The following PDS5A variants were observed in gnomAD, a reference collection of about 807,000 sequenced individuals.
The protein encoded by PDS5A is sister chromatid cohesion protein PDS5 homolog A.
In PDS5A, 42 loss-of-function variants were observed where a neutral mutation model predicts 167.1. The ratio of observed to expected loss-of-function variants is 0.25; its 90% CI spans 0.20 to 0.33. PDS5A has a LOEUF of 0.33. Among genes scored for constraint, PDS5A ranks in the 10% least tolerant of loss-of-function variants. PDS5A has a pLI of 1.00. For missense variants in PDS5A, 1,033 were observed against 1,605.9 expected (o/e 0.64, Z 6.10); for synonymous variants, 553 against 554.6 (o/e 1.00, Z 0.04).
chr4:39,841,669 G>A (rs1717031976), intron 31 of PDS5A, among the ~76,000 whole-genome samples: 2 of 151,942 alleles, frequency 1.3e-5, no homozygotes, highest in Non-Finnish European at 2.9e-5. Flanking sequence ...CAACCACCAC[G>A]CCCCGGTAAT....
At chr4:39,974,597 T>C (rs989920799) in intron 2 of PDS5A, among the ~76,000 whole-genome samples, 7 of 152,084 alleles carry the variant, frequency 4.6e-5, no homozygotes, top group African/African-American at 1.7e-4. Flanking sequence ...CAGGCTGGAG[T>C]GCAATGGCGC....
intron 7 of PDS5A, among the ~76,000 whole-genome samples, chr4:39,917,609 C>T (rs777820074): frequency 2.0e-5 from 3 of 151,962 alleles, no homozygotes; most frequent in Admixed American, 1.3e-4. Context: ...GAGTCTGGCT[C>T]TGTCACCCAG....
At chr4:39,862,833 AAT>A in intron 25 of PDS5A, 34 bp downstream of exon 25, 1 of 1,359,456 alleles carries the variant, frequency 7.4e-7, no homozygotes, top group Non-Finnish European at 1.0e-6. Flanking sequence ...ACATTGACAA[AAT>A]ATATTTGCAC....
chr4:39,977,050 T>C lies in PDS5A; in HGVS notation c.-41+407A>G, dbSNP rs1357988355. On this transcript the variant is annotated intron_variant, in intron 1 of 32. Coordinates refer to ENST00000303538, the MANE Select transcript of PDS5A (RefSeq NM_001100399.2). This position sits in a 1 kb window ranked among gnomAD's most constrained non-coding sequence, Gnocchi z 4.2. The stretch of plus-strand genomic sequence containing the variant: ...TAGGGCTCGGCTTAGGCCGCAAAAC[T>C]AGGGACCCAGCGGACCCACGCGCAG... 6.6e-6 allele frequency among the ~76,000 whole-genome samples: 1 copy of C among 151,820 alleles called. No homozygotes were observed. The highest frequency in any genetic ancestry group is 1.5e-5 in the Non-Finnish European group (1 of 67,916).
intron 21 of PDS5A, among the ~76,000 whole-genome samples, chr4:39,871,943 T>C (rs1417340825): frequency 6.6e-6 from 1 of 151,998 alleles, no homozygotes; most frequent in African/African-American, 2.4e-5. Flanking sequence ...TGACCTCAGG[T>C]GATCCACCCA....
intron 2 of PDS5A, chr4:39,932,466 G>C (rs1726166227): frequency 4.5e-6 from 1 of 222,822 alleles, no homozygotes; most frequent in Non-Finnish European, 1.0e-5. Flanking sequence ...CAACCAAGGG[G>C]AGAAAACCTG....
chr4:39,934,425 G>A (rs746491837), intron 2 of PDS5A, among the ~76,000 whole-genome samples: 2 of 152,026 alleles, frequency 1.3e-5, no homozygotes, highest in African/African-American at 2.4e-5. Flanking sequence ...AGAATCCCCT[G>A]TGCCATTCAG....
chr4:39,823,572 C>G lies in PDS5A; in HGVS notation c.*1913G>C, dbSNP rs1297402374. On this transcript the variant is annotated 3_prime_UTR_variant, in exon 33 of 33. Coordinates refer to ENST00000303538, the MANE Select transcript of PDS5A (RefSeq NM_001100399.2). ...ACCTTAGGAATCAAGTTGTCTGATGCTAAGAGAACTTTAAACTCTCTCTAA... is the reference window on the plus strand; with the variant it reads ...ACCTTAGGAATCAAGTTGTCTGATGGTAAGAGAACTTTAAACTCTCTCTAA... 1 of 152,572 alleles carries G rather than the reference C, an allele frequency of 6.6e-6. No homozygotes were observed. The highest frequency in any genetic ancestry group is 1.5e-5 in the Non-Finnish European group (1 of 68,022). The allele number at this position is 152,572 out of a possible 1,614,324, so 9.5% of individuals were successfully genotyped here. A position where few individuals can be genotyped will look rare whatever the true frequency, so the allele number is the denominator to read the frequency against.
chr4:39,857,195 A>G (rs774976330), intron 26 of PDS5A, among the ~76,000 whole-genome samples: 1 of 152,056 alleles, frequency 6.6e-6, no homozygotes, highest in Non-Finnish European at 1.5e-5. Context: ...TACTGAAAAT[A>G]CAAAAAATTA....
chr4:39,973,488 T>C (rs1730768262), intron 2 of PDS5A: 2 of 1,338,742 alleles, frequency 1.5e-6, no homozygotes, highest in Non-Finnish European at 1.1e-6. Flanking sequence ...ATCTTGATGA[T>C]AGTATTGATG....
At chr4:39,854,512 G>A (rs980795708) in intron 26 of PDS5A, among the ~76,000 whole-genome samples, 1 of 152,030 alleles carries the variant, frequency 6.6e-6, no homozygotes, top group Non-Finnish European at 1.5e-5. Context: ...GTTCTTTCCA[G>A]TAGTGGTATG....
At chr4:39,944,147 C>G (rs1056474360) in intron 2 of PDS5A, among the ~76,000 whole-genome samples, 6 of 143,520 alleles carry the variant, frequency 4.2e-5, no homozygotes, top group African/African-American at 1.3e-4. Context: ...CCACTGCAGT[C>G]CAGCCTGGGA....
chr4:39,918,737 C>T (rs28428904), intron 7 of PDS5A, among the ~76,000 whole-genome samples: 7,423 of 152,128 alleles, frequency 0.049, 282 homozygotes, highest in East Asian at 0.23. Context: ...ATCTGCAGTA[C>T]AGCCACTAAG....
In PDS5A at chr4:39,849,574, C is replaced by G; in HGVS notation, c.3165G>C (p.Glu1055Asp). The change falls in exon 27 of 33, where the codon GAG becomes GAC. Residue 1055 changes from glutamate (E) to aspartate (D), a missense_variant. Coordinates refer to ENST00000303538, the MANE Select transcript of PDS5A (RefSeq NM_001100399.2). ...GGGCATCTCTGGTTAACTTGATGTT[C>G]TCTGCCATCTTCTTCATAAAGGCAT... is the stretch of plus-strand genomic sequence containing the variant. ...NSHAFMKKMA[E>D]NIKLTRDAQS... is the part of the protein sequence containing the mutation. The G allele has an allele frequency of 6.2e-7, 1 of 1,610,528 alleles. No homozygotes were observed. The highest frequency in any genetic ancestry group is 8.5e-7 in the Non-Finnish European group (1 of 1,177,114).
chr4:39,925,842 A>G lies in PDS5A; in HGVS notation c.521T>C (p.Val174Ala). ...FIQLFRTLFS[V>A]INNSHNKKVQ... is the part of the protein sequence containing the mutation. ...TGCTTAAAAAATAACTTACTTGATCACTGAGAAGAGAGTTCTAAAAAGCTG... is the reference window on the plus strand; with the variant it reads ...TGCTTAAAAAATAACTTACTTGATCGCTGAGAAGAGAGTTCTAAAAAGCTG... The change falls in exon 5 of 33, where the codon GTG (valine) becomes GCG (alanine). Residue 174 changes from valine (V) to alanine (A), a missense_variant. Around this residue, in one of 4 missense-constraint regions of PDS5A, gnomAD observed 388 missense variants for 615.1 expected, o/e 0.63. Transcript: ENST00000303538. 7.4e-7 allele frequency: 1 copy of G among 1,344,184 alleles called. No homozygotes were observed. Among genetic ancestry groups the G allele is most frequent in the Non-Finnish European group, 1.0e-6 (1 of 962,536 alleles). The allele number at this position is 1,344,184 out of a possible 1,614,324, so 83.3% of individuals were successfully genotyped here.
At chr4:39,853,728 TTAAA>T (rs2109525966) in intron 26 of PDS5A, among the ~76,000 whole-genome samples, 1 of 152,348 alleles carries the variant, frequency 6.6e-6, no homozygotes, top group Non-Finnish European at 1.5e-5. Flanking sequence ...CCCTGGCTCC[TTAAA>T]TACTTTCTAT....
chr4:39,962,242 G>A (rs1163775801), intron 2 of PDS5A, among the ~76,000 whole-genome samples: 1 of 151,972 alleles, frequency 6.6e-6, no homozygotes, highest in Non-Finnish European at 1.5e-5. Context: ...ATTTTTAGTA[G>A]AGACGGGGTT....
chr4:39,941,808 C>A (rs1374909605), intron 2 of PDS5A, among the ~76,000 whole-genome samples: 1 of 152,146 alleles, frequency 6.6e-6, no homozygotes, highest in Non-Finnish European at 1.5e-5. Flanking sequence ...GTAATCCCAG[C>A]ACTTTGGGAG....
At chr4:39,896,761 GT>G (rs1327658423) in intron 16 of PDS5A, among the ~76,000 whole-genome samples, 5 of 147,260 alleles carry the variant, frequency 3.4e-5, no homozygotes, top group Admixed American at 3.4e-4. Flanking sequence ...GCAAAACCCT[GT>G]TTAAAAAAAA....
Sources: allele counts gnomAD v4.1 joint callset (sites outside exome capture counted in the v4.1 genomes callset), GRCh38; gene constraint gnomAD v4.1.1; regional missense constraint gnomAD v4.1.1; non-coding constraint Gnocchi (gnomAD v3.1); transcripts MANE v1.5; gene names NCBI Gene and HGNC (gene_info 2026-07-23, HGNC 2026-07-21).